Variants in PCDH19 observed in about 807,000 individuals in gnomAD.
The protein encoded by PCDH19 is protocadherin-19.
A neutral mutation model predicts 46.2 loss-of-function variants in PCDH19; 6 were observed. The observed-to-expected ratio is 0.13, with a 90% CI of 0.07 to 0.26. The LOEUF is 0.26. PCDH19 is among the 10% of genes least tolerant of loss of function. PCDH19 has a pLI of 1.00. For synonymous variants in PCDH19, 481 were observed against 415.7 expected (o/e 1.16, Z -1.91); for missense variants, 740 against 972.3 (o/e 0.76, Z 3.18).
At chrX:100,384,477 T>C (rs1927652430) in intron 3 of PCDH19, among the ~76,000 whole-genome samples, 1 of 111,411 alleles carries the variant, frequency 9.0e-6, no homozygotes, top group Non-Finnish European at 1.9e-5. Context: ...ATTTCCTATT[T>C]ATTCTTCCAT....
At chrX:100,348,073 A>AC (rs1308110142) in intron 4 of PCDH19, among the ~76,000 whole-genome samples, 3 of 107,353 alleles carry the variant, frequency 2.8e-5, no homozygotes, top group Non-Finnish European at 5.8e-5. Context: ...CTCAAAAAAA[A>AC]AAAAAAAAAA....
chrX:100,322,865 A>ATATATTTTTTTTTT, intron 5 of PCDH19, among the ~76,000 whole-genome samples: 23 of 54,399 alleles, frequency 4.2e-4, no homozygotes, highest in Non-Finnish European at 5.6e-4. Flanking sequence ...ATATATATAT[A>ATATATTTTTTTTTT]TTTTTGCAGC....
intron 1 of PCDH19, 96 bp downstream of exon 1, chrX:100,406,355 A>G: frequency 1.4e-6 from 1 of 696,727 alleles, no homozygotes; most frequent in Non-Finnish European, 2.2e-6. Flanking sequence ...TGCTGCATGC[A>G]TTTAAGTAGG....
chrX:100,343,790 C>A (rs1364294757), intron 4 of PCDH19, among the ~76,000 whole-genome samples: 1 of 111,840 alleles, frequency 8.9e-6, no homozygotes, highest in African/African-American at 3.3e-5. Context: ...TGTGAATTAA[C>A]ACAAACCCTA....
chrX:100,318,484 G>T (rs1429583062), intron 5 of PCDH19, among the ~76,000 whole-genome samples: 1 of 112,277 alleles, frequency 8.9e-6, no homozygotes, highest in Non-Finnish European at 1.9e-5. Flanking sequence ...GGGATATAAA[G>T]GAACTGATGC....
At chrX:100,297,800 T>C (rs1924663082) in intron 5 of PCDH19, among the ~76,000 whole-genome samples, 1 of 111,150 alleles carries the variant, frequency 9.0e-6, no homozygotes, top group African/African-American at 3.3e-5. Context: ...CTGCACAGGC[T>C]TTACCAAGGC....
At chrX:100,394,593 T>A (rs948223691) in intron 3 of PCDH19, among the ~76,000 whole-genome samples, 1 of 112,022 alleles carries the variant, frequency 8.9e-6, no homozygotes, top group Non-Finnish European at 1.9e-5. Context: ...AAGGGTTTAT[T>A]TACAAAGGAG....
chrX:100,370,993 A>ATGTGTG (rs59834814), intron 3 of PCDH19, among the ~76,000 whole-genome samples: 1,371 of 98,394 alleles, frequency 0.014, 11 homozygotes, highest in Middle Eastern at 0.067. Context: ...GTGTGTGTGC[A>ATGTGTG]TGTGTGTGTG....
chrX:100,337,028 G>T (rs1437335080), intron 5 of PCDH19, among the ~76,000 whole-genome samples: 2 of 111,236 alleles, frequency 1.8e-5, no homozygotes, highest in African/African-American at 6.5e-5. Context: ...AGATAACCCG[G>T]ATAGGAAGAA....
At chrX:100,401,381 A>C (rs775824294) in intron 3 of PCDH19, among the ~76,000 whole-genome samples, 1 of 112,277 alleles carries the variant, frequency 8.9e-6, no homozygotes, top group Non-Finnish European at 1.9e-5. Context: ...AGCCCGGTGC[A>C]GTGGCTCATG....
intron 3 of PCDH19, among the ~76,000 whole-genome samples, chrX:100,359,792 A>AGTGT (rs200497239): frequency 2.7e-4 from 25 of 91,606 alleles, no homozygotes; most frequent in East Asian, 5.5e-4. Context: ...CACATATAAG[A>AGTGT]GTGTGTGTGT....
At chrX:100,319,102 C>G (rs573122310) in intron 5 of PCDH19, among the ~76,000 whole-genome samples, 2 of 111,372 alleles carry the variant, frequency 1.8e-5, no homozygotes, top group Admixed American at 9.5e-5. Flanking sequence ...TTGAATGAGG[C>G]GTTTGGGGTG....
intron 3 of PCDH19, among the ~76,000 whole-genome samples, chrX:100,381,548 T>A (rs1423645025): frequency 9.0e-6 from 1 of 111,594 alleles, no homozygotes; most frequent in East Asian, 2.8e-4. Context: ...AGAAAGCACA[T>A]CCCATGGAAC....
chrX:100,296,133 G>A lies in PCDH19; in HGVS notation c.*144C>T. 1.9e-6 allele frequency: 1 copy of A among 534,642 alleles called. No homozygotes were observed. Among genetic ancestry groups the A allele is most frequent in the Non-Finnish European group, 3.3e-6 (1 of 307,508 alleles). The allele number at this position is 534,642 out of a possible 1,213,427, so 44.1% of individuals were successfully genotyped here. A position where few individuals can be genotyped will look rare whatever the true frequency, so the allele number is the denominator to read the frequency against. On this transcript the variant is annotated 3_prime_UTR_variant, in exon 6 of 6. Coordinates refer to ENST00000373034, the MANE Select transcript of PCDH19 (RefSeq NM_001184880.2). ...TTGAAACAAGGGACTGTCACAGAAT[G>A]ATAATCACCTATAAACAATACATTT...
At chrX:100,405,431 T>C (rs1928315681) in intron 1 of PCDH19, among the ~76,000 whole-genome samples, 1 of 112,469 alleles carries the variant, frequency 8.9e-6, no homozygotes, top group African/African-American at 3.2e-5. Flanking sequence ...CTTAGACTTA[T>C]GTGCTCTATC....
intron 3 of PCDH19, among the ~76,000 whole-genome samples, chrX:100,364,720 G>C (rs933326853): frequency 1.8e-5 from 2 of 112,087 alleles, no homozygotes; most frequent in African/African-American, 6.5e-5. Context: ...CACTGTCCCT[G>C]GCACTGGCTA....
At chrX:100,405,178 G>T (rs1474791642) in intron 1 of PCDH19, among the ~76,000 whole-genome samples, 1 of 112,287 alleles carries the variant, frequency 8.9e-6, no homozygotes, top group East Asian at 2.8e-4. Flanking sequence ...TTCAGACGGT[G>T]TCAAATACAA....
chrX:100,346,729 T>C (rs1433590320), intron 4 of PCDH19, among the ~76,000 whole-genome samples: 1 of 112,496 alleles, frequency 8.9e-6, no homozygotes, highest in Non-Finnish European at 1.9e-5. Flanking sequence ...GTGCATGATT[T>C]AGGGAGCCAA....
rs184231249 is a variant in PCDH19, at chrX:100,361,822, G to A, written c.2617-11118C>T. Among the ~76,000 whole-genome samples the A allele has an allele frequency of 2.7e-5, 3 of 111,045 alleles. No homozygotes were observed. The East Asian group carries it at 8.5e-4, about 32-fold the overall frequency. ...ACACCTCATTAGGATTCTGGAAAAT[G>A]CAGTGAAATCAAAGTAAATAGGACT... is the stretch of plus-strand genomic sequence containing the variant. On this transcript the variant is annotated intron_variant, in intron 3 of 5. Transcript: ENST00000373034.
Sources: allele counts gnomAD v4.1 joint callset (sites outside exome capture counted in the v4.1 genomes callset), GRCh38; gene constraint gnomAD v4.1.1; transcripts MANE v1.5; gene names NCBI Gene and HGNC (gene_info 2026-07-23, HGNC 2026-07-21).